Variants in CDKN2B-AS1 observed in about 807,000 individuals in gnomAD.
CDKN2B-AS1 encodes the protein CDKN2B and CDKN2A antisense cis and trans regulatory RNA 1.
At chr9:22,032,552 A>C (rs1267351494) in intron 1 of CDKN2B-AS1, 1 of 151,952 alleles carries the variant, frequency 6.6e-6, no homozygotes, top group African/African-American at 2.4e-5. Flanking sequence ...ATCACTGTGG[A>C]GTTTATTCAT....
chr9:22,029,643 G>C (rs1254033359), intron 1 of CDKN2B-AS1: 12 of 550,828 alleles, frequency 2.2e-5, no homozygotes, highest in East Asian at 8.6e-5. Context: ...TGTGATAAAA[G>C]AAGAGCCTTG....
chr9:22,032,721 T>A (rs1384412653), intron 1 of CDKN2B-AS1: 1 of 151,874 alleles, frequency 6.6e-6, no homozygotes, highest in Admixed American at 6.6e-5. Flanking sequence ...CTGTCTTGGA[T>A]GTGAAGATGA....
intron 4 of CDKN2B-AS1, among the ~76,000 whole-genome samples, chr9:22,125,882 A>G (rs181611157): frequency 2.0e-5 from 3 of 152,360 alleles, no homozygotes; most frequent in Admixed American, 1.3e-4. Flanking sequence ...ATATAAGCAG[A>G]TATTCCAAGA....
intron 1 of CDKN2B-AS1, chr9:22,009,092 C>T (rs1376962146): frequency 7.6e-7 from 1 of 1,322,302 alleles, no homozygotes. Context: ...CATTACCCTC[C>T]CGTCGTCCTT....
At position 21,999,790 on chromosome 9, in the gene CDKN2B-AS1, CAAT is replaced by C. The variant is rs1820843698; in HGVS notation, n.29+4633_29+4635del. 6.6e-6 allele frequency among the ~76,000 whole-genome samples: 1 copy of C among 151,996 alleles called. No homozygotes were observed. Among genetic ancestry groups the C allele is most frequent in the South Asian group, 2.1e-4 (1 of 4,828 alleles). On this transcript the variant is annotated intron_variant and non_coding_transcript_variant, in intron 1 of 4. Transcript: ENST00000650946. The surrounding 1 kb of genome is among the most constrained non-coding windows in gnomAD (Gnocchi z 4.7). ...AATAATAAAACTGTGCATCCATAAA[CAAT>C]AATGAAGCACATCTATATGCACTGA...
chr9:22,024,126 C>T (rs574296418), intron 1 of CDKN2B-AS1, among the ~76,000 whole-genome samples: 18 of 152,196 alleles, frequency 1.2e-4, no homozygotes, highest in African/African-American at 4.3e-4. Context: ...TTTCTTTTAT[C>T]CTATTTGATG....
rs374547255 is a variant in CDKN2B-AS1 at position 22,061,780 on chromosome 9, G to C, written n.438+5393G>C. Among the ~76,000 whole-genome samples the C allele has an allele frequency of 5.2e-4, 79 of 152,168 alleles. 2 individuals carry two copies. In the South Asian group the frequency reaches 0.016, roughly 31 times the overall value. ...GCCTGAGTTTTCTTCTTTACAAAAGGGGGGAGGGAATAATAGCACCTGATT... is the reference window on the plus strand; with the variant it reads ...GCCTGAGTTTTCTTCTTTACAAAAGCGGGGAGGGAATAATAGCACCTGATT... On this transcript the variant is annotated intron_variant and non_coding_transcript_variant, in intron 4 of 4. Coordinates refer to ENST00000650946, the Ensembl canonical transcript of CDKN2B-AS1.
chr9:22,122,324 A>G (rs1400367367), intron 4 of CDKN2B-AS1, among the ~76,000 whole-genome samples: 1 of 152,074 alleles, frequency 6.6e-6, no homozygotes, highest in African/African-American at 2.4e-5. Flanking sequence ...TAGTTTGCAA[A>G]TATTTTCTTC....
chr9:22,063,020 G>C (rs73446312), intron 4 of CDKN2B-AS1, among the ~76,000 whole-genome samples: 11,375 of 148,634 alleles, frequency 0.077, 1,384 homozygotes, highest in African/African-American at 0.26. Flanking sequence ...GAGAGAGAGA[G>C]AGACTTATAA....
At chr9:22,108,396 A>G (rs1249061237) in intron 4 of CDKN2B-AS1, among the ~76,000 whole-genome samples, 3 of 152,190 alleles carry the variant, frequency 2.0e-5, no homozygotes, top group African/African-American at 4.8e-5. Flanking sequence ...TTCAATAAGT[A>G]GTTATTGGTG....
chr9:22,112,842 A>T (rs1274042665), intron 4 of CDKN2B-AS1, among the ~76,000 whole-genome samples: 1 of 152,184 alleles, frequency 6.6e-6, no homozygotes, highest in Non-Finnish European at 1.5e-5. Context: ...GTAAAAGTCC[A>T]CAAGTTCAGA....
intron 4 of CDKN2B-AS1, among the ~76,000 whole-genome samples, chr9:22,071,506 T>A (rs1218525771): frequency 1.3e-5 from 2 of 152,082 alleles, no homozygotes; most frequent in African/African-American, 4.8e-5. Flanking sequence ...GTGGTAGTGC[T>A]GTCAAAAGAG....
rs73652818 is a variant in CDKN2B-AS1 at position 21,996,864 on chromosome 9, G to A, written n.29+1703G>A. 0.042 allele frequency among the ~76,000 whole-genome samples: 6,448 copies of A among 152,260 alleles called. 370 individuals carry two copies. The highest frequency in any genetic ancestry group is 0.13 in the African/African-American group (5,478 of 41,506). Reference sequence around the variant, plus strand: ...TGAGGGTTTCTTGGGCCTAGACAATGTAACTAGTTGTTGCAATAAAGCATG... The same window carrying A: ...TGAGGGTTTCTTGGGCCTAGACAATATAACTAGTTGTTGCAATAAAGCATG... On this transcript the variant is annotated intron_variant and non_coding_transcript_variant, in intron 1 of 4. Transcript: ENST00000650946. The surrounding 1 kb of genome is among the most constrained non-coding windows in gnomAD (Gnocchi z 5.4).
chr9:22,082,395 T>C (rs1254417220), intron 4 of CDKN2B-AS1, among the ~76,000 whole-genome samples: 1 of 152,216 alleles, frequency 6.6e-6, no homozygotes, highest in African/African-American at 2.4e-5. Flanking sequence ...GAAAATGTTA[T>C]TTCCTCCTTT....
chr9:22,120,613 T>C (rs558193116), intron 4 of CDKN2B-AS1: 6 of 152,042 alleles, frequency 3.9e-5, no homozygotes, highest in Non-Finnish European at 7.4e-5. Context: ...ATGGTTTTTT[T>C]AAAAAAATAA....
intron 1 of CDKN2B-AS1, chr9:22,004,900 G>C (rs1821088793): frequency 4.3e-6 from 1 of 233,268 alleles, no homozygotes; most frequent in East Asian, 6.0e-5. Context: ...AATAGGTTAA[G>C]AAGAAAGCAA....
At chr9:22,052,218 G>A (rs563325905) in intron 3 of CDKN2B-AS1, among the ~76,000 whole-genome samples, 16 of 152,140 alleles carry the variant, frequency 1.1e-4, no homozygotes, top group Non-Finnish European at 1.5e-5. Context: ...TTGGAATTTC[G>A]AGGCTGGATG....
exon 5 of CDKN2B-AS1, among the ~76,000 whole-genome samples, chr9:22,127,317 T>G (rs1466218324): frequency 6.6e-6 from 1 of 152,142 alleles, no homozygotes; most frequent in African/African-American, 2.4e-5. Flanking sequence ...CCTGACCTTG[T>G]GATCCACCTG....
rs1205571763 is a variant in CDKN2B-AS1 at position 22,038,383 on chromosome 9, C to T, written n.30-8368C>T. 7.9e-5 allele frequency among the ~76,000 whole-genome samples: 12 copies of T among 151,494 alleles called. No individual in the cohort carries two copies. In the East Asian group the frequency reaches 2.1e-3, roughly 27 times the overall value. Reference sequence around the variant, plus strand: ...TAATTATTCAAAAATAATTATCTACCAAGCTTAACTATTTTGCCAGCGCAG... The same window carrying T: ...TAATTATTCAAAAATAATTATCTACTAAGCTTAACTATTTTGCCAGCGCAG... On this transcript the variant is annotated intron_variant and non_coding_transcript_variant, in intron 1 of 4. Coordinates refer to ENST00000650946, the Ensembl canonical transcript of CDKN2B-AS1.
Sources: gnomAD v4.1 joint callset for allele counts (sites outside exome capture counted in the v4.1 genomes callset) on GRCh38, gnomAD v4.1.1 for gene constraint, Gnocchi (gnomAD v3.1) non-coding constraint, MANE v1.5 for transcripts, NCBI Gene and HGNC (gene_info 2026-07-23, HGNC 2026-07-21) for gene names.